CCL3: variants seen among roughly 807,000 people sequenced by gnomAD.
CCL3 encodes the protein C-C motif chemokine ligand 3, also known as C-C motif chemokine 3.
CCL3 carries 6 observed loss-of-function variants against 8.1 expected under a neutral mutation model. The observed-to-expected ratio is 0.74, with a 90% confidence interval of 0.41 to 1.46. The LOEUF is 1.46. Among genes scored for constraint, CCL3 ranks in the 40% most tolerant of loss-of-function variants. The probability of loss-of-function intolerance (pLI) is 0.02; values close to 1 mark genes in which losing one functional copy is unlikely to be tolerated. For synonymous variants in CCL3, 45 were observed against 45.1 expected (o/e 1.00, Z 0.01); for missense variants, 109 against 117.7 (o/e 0.93, Z 0.34).
Position 36,088,403 on chromosome 17 carries a change from G to T in CCL3, c.*269C>A. On this transcript the variant is annotated 3_prime_UTR_variant, in exon 3 of 3. Coordinates refer to ENST00000613922, the MANE Select transcript of CCL3 (RefSeq NM_002983.3). ...GACAGCCACTCGGTTGTCACCAGACGCGGTGTGAGGGAAGGGGGAGGGGAC... is the reference window on the plus strand; with the variant it reads ...GACAGCCACTCGGTTGTCACCAGACTCGGTGTGAGGGAAGGGGGAGGGGAC... The T allele has an allele frequency of 2.1e-6, 1 of 486,538 alleles. No individual in the cohort carries two copies. The highest frequency in any genetic ancestry group is 3.5e-5 in the Admixed American group (1 of 28,752). The allele number at this position is 486,538 out of a possible 1,614,324, so 30.1% of individuals were successfully genotyped here. A position where few individuals can be genotyped will look rare whatever the true frequency, so the allele number is the denominator to read the frequency against.
At position 36,088,691 on chromosome 17, in the gene CCL3, T is replaced by A. The variant is rs1220855677; in HGVS notation, c.260A>T (p.Asp87Val). Residue 87 changes from aspartate (D) to valine (V), a missense_variant, in exon 3 of 3, where the codon GAC becomes GTC. Asp to Val is a radical substitution (Grantham distance 152). Transcript: ENST00000613922. ...SEEWVQKYVS[D>V]LELSA ...GACCCCTCAGGCACTCAGCTCCAGG[T>A]CGCTGACATATTTCTGGACCCACTC... 2.5e-6 allele frequency: 4 copies of A among 1,613,428 alleles called. No individual in the cohort carries two copies. The Admixed American group carries it at 6.7e-5, about 27-fold the overall frequency.
chr17:36,088,457 A>T lies in CCL3; in HGVS notation c.*215T>A. ...GGAACTCTCAGAGCAAACAATCACA[A>T]ACACACTGTGAAATCGAAAATAAAT... On this transcript the variant is annotated 3_prime_UTR_variant, in exon 3 of 3. Transcript: ENST00000613922. 1.7e-6 allele frequency: 1 copy of T among 590,864 alleles called. No individual in the cohort carries two copies. The highest frequency in any genetic ancestry group is 2.2e-5 in the South Asian group (1 of 44,850). The allele number at this position is 590,864 out of a possible 1,614,324, so 36.6% of individuals were successfully genotyped here.
Position 36,088,720 on chromosome 17 carries a change from A to G in CCL3, c.231T>C (p.Ser77=). The G allele has an allele frequency of 1.2e-6, 2 of 1,613,786 alleles. No homozygotes were observed. The highest frequency in any genetic ancestry group is 1.7e-6 in the Non-Finnish European group (2 of 1,179,846). ...TGACATATTTCTGGACCCACTCCTC[A>G]CTGGGGTCAGCACAGACCTGCCGGC... ...KRSRQVCADP[S]EEWVQKYVSD... is the part of the protein sequence containing the mutation. The change falls in exon 3 of 3, where the codon AGT becomes AGC. Residue 77 remains serine, a synonymous_variant. Coordinates refer to ENST00000613922, the MANE Select transcript of CCL3 (RefSeq NM_002983.3).
chr17:36,088,440 C>G lies in CCL3; in HGVS notation c.*232G>C, dbSNP rs977354565. On this transcript the variant is annotated 3_prime_UTR_variant, in exon 3 of 3. Transcript: ENST00000613922. Reference sequence around the variant, plus strand: ...AAGGGGGAGGGGACAGGGGAACTCTCAGAGCAAACAATCACAAACACACTG... The same window carrying G: ...AAGGGGGAGGGGACAGGGGAACTCTGAGAGCAAACAATCACAAACACACTG... 27 of 555,628 alleles carry G rather than the reference C, an allele frequency of 4.9e-5. No individual in the cohort carries two copies. Among genetic ancestry groups the G allele is most frequent in the Non-Finnish European group, 9.6e-6 (3 of 311,138 alleles). 34.4% of individuals were successfully genotyped at this position (555,628 alleles called of 1,614,324 possible).
In CCL3 at chr17:36,090,067, G is replaced by A; in HGVS notation, c.-9C>T. ...GCAGTGGAGACCTGCATGATTCTGAGCAGGTGACGGAATGTGGGCTCGAGT... is the reference window on the plus strand; with the variant it reads ...GCAGTGGAGACCTGCATGATTCTGAACAGGTGACGGAATGTGGGCTCGAGT... On this transcript the variant is annotated 5_prime_UTR_variant, in exon 1 of 3. Transcript: ENST00000613922. 1 of 1,612,858 alleles carries A rather than the reference G, an allele frequency of 6.2e-7. No homozygotes were observed. Among genetic ancestry groups the A allele is most frequent in the Admixed American group, 1.7e-5 (1 of 60,014 alleles).
intron 1 of CCL3, chr17:36,089,673 A>T (rs2067025698): frequency 1.5e-6 from 1 of 662,514 alleles, no homozygotes; most frequent in South Asian, 1.5e-5. Context: ...GAGAGTGAAC[A>T]ACATACCCCA....
At position 36,090,117 on chromosome 17, in the gene CCL3, AC is replaced by A. The variant is rs1555651868; in HGVS notation, c.-60del. On this transcript the variant is annotated 5_prime_UTR_variant, in exon 1 of 3. Coordinates refer to ENST00000613922, the MANE Select transcript of CCL3 (RefSeq NM_002983.3). ...TGTCAGCAGAGCCAAGAAAGGACTG[AC>A]CACTGTCTGCTGCCCGTGTCCTTCT... is the stretch of plus-strand genomic sequence containing the variant. The A allele has an allele frequency of 6.7e-7, 1 of 1,497,234 alleles. No individual in the cohort carries two copies. Among genetic ancestry groups the A allele is most frequent in the Non-Finnish European group, 9.2e-7 (1 of 1,083,596 alleles). The allele number at this position is 1,497,234 out of a possible 1,614,324, so 92.7% of individuals were successfully genotyped here. A position where few individuals can be genotyped will look rare whatever the true frequency, so the allele number is the denominator to read the frequency against.
At chr17:36,089,595 G>A in intron 1 of CCL3, 1 of 607,264 alleles carries the variant, frequency 1.6e-6, no homozygotes, top group South Asian at 1.9e-5. Flanking sequence ...CCCAACCCAA[G>A]AGAAGCCTTG....
At position 36,089,899 on chromosome 17, in the gene CCL3, T is replaced by C. The variant is rs2067029249; in HGVS notation, c.73+87A>G. On this transcript the variant is annotated intron_variant, in intron 1 of 2. Coordinates refer to ENST00000613922, the MANE Select transcript of CCL3 (RefSeq NM_002983.3). ...GCCCTTTAAGAAGTTCTCTTTTCTC[T>C]TGGGGGCTTTTAGGCCACAAGAAAA... The C allele has an allele frequency of 3.9e-6, 5 of 1,278,312 alleles. No individual in the cohort carries two copies. The South Asian group carries it at 6.2e-5, about 16-fold the overall frequency. The allele number at this position is 1,278,312 out of a possible 1,614,324, so 79.2% of individuals were successfully genotyped here.
Position 36,088,654 on chromosome 17 carries a change from T to G in CCL3, c.*18A>C, listed in dbSNP as rs2067008827. 6.2e-7 allele frequency: 1 copy of G among 1,612,690 alleles called. No homozygotes were observed. The highest frequency in any genetic ancestry group is 8.5e-7 in the Non-Finnish European group (1 of 1,179,820). The stretch of plus-strand genomic sequence containing the variant: ...CTGGGCCCACCGAGGTCGCTGGGCC[T>G]CGAAGCTTCTGGACCCCTCAGGCAC... On this transcript the variant is annotated 3_prime_UTR_variant, in exon 3 of 3. Transcript: ENST00000613922.
At chr17:36,089,906 C>A in intron 1 of CCL3, 80 bp downstream of exon 1, 1 of 1,354,688 alleles carries the variant, frequency 7.4e-7, no homozygotes, top group Non-Finnish European at 1.1e-6. Flanking sequence ...CTCTTGGGGG[C>A]TTTTAGGCCA....
At chr17:36,089,596 A>G in intron 1 of CCL3, 2 of 607,536 alleles carry the variant, frequency 3.3e-6, no homozygotes, top group Non-Finnish European at 2.9e-6. Context: ...CCAACCCAAG[A>G]GAAGCCTTGG....
At chr17:36,089,324 C>T (rs367618652) in intron 1 of CCL3, 27 bp from the exon 2 acceptor site, 240 of 1,613,966 alleles carry the variant, frequency 1.5e-4, no homozygotes, top group South Asian at 8.0e-4. Context: ...AGAATGAGCC[C>T]GAGTCACAGC....
At position 36,089,599 on chromosome 17, in the gene CCL3, AGCCTTG is replaced by A. The variant is rs1158426451; in HGVS notation, c.74-308_74-303del. 3 of 606,790 alleles carry A rather than the reference AGCCTTG, an allele frequency of 4.9e-6. No homozygotes were observed. The East Asian group carries it at 8.8e-5, about 18-fold the overall frequency. 37.6% of individuals were successfully genotyped at this position (606,790 alleles called of 1,614,324 possible). ...AGAAGTCATACCCCAACCCAAGAGA[AGCCTTG>A]GACATCTCTCATAAGACATCCAAGG... On this transcript the variant is annotated intron_variant, in intron 1 of 2. Transcript: ENST00000613922.
At position 36,090,000 on chromosome 17, in the gene CCL3, T is replaced by G; in HGVS notation, c.59A>C (p.Gln20Pro). The change falls in exon 1 of 3, where the codon CAG (glutamine) becomes CCG (proline). Residue 20 changes from glutamine (Q) to proline (P), a missense_variant. Transcript: ENST00000613922. ...CTCAGACTCACGTGATGCAGAGAAC[T>G]GGTTGCAGAGAGCCATGGTGCAGAG... ...VLLCTMALCN[Q>P]FSASLAADTP... The G allele has an allele frequency of 6.2e-7, 1 of 1,613,864 alleles. No individual in the cohort carries two copies. Among genetic ancestry groups the G allele is most frequent in the South Asian group, 1.1e-5 (1 of 91,066 alleles).
chr17:36,089,724 G>A (rs537727447), intron 1 of CCL3: 5 of 693,530 alleles, frequency 7.2e-6, no homozygotes, highest in Non-Finnish European at 1.1e-5. Context: ...CTTGCTAACT[G>A]ATTCGTTTCG....
chr17:36,089,201 C>G lies in CCL3; in HGVS notation c.170G>C (p.Cys57Ser), dbSNP rs142857740. The G allele has an allele frequency of 9.9e-6, 16 of 1,613,994 alleles. No individual in the cohort carries two copies. Among genetic ancestry groups the G allele is most frequent in the Non-Finnish European group, 1.4e-5 (16 of 1,179,880 alleles). ...CACTTACATGACACCGGGCTTGGAG[C>G]ACTGGCTGCTCGTCTCAAAGTAGTC... ...IADYFETSSQCSKPGVIFLTK... is the reference protein window; with the variant it reads ...IADYFETSSQSSKPGVIFLTK... The change falls in exon 2 of 3, where the codon TGC (cysteine) becomes TCC (serine). Residue 57 changes from cysteine to serine, a missense_variant. Physicochemically the swap from Cys to Ser is moderately radical, Grantham distance 112 (BLOSUM62 -1). Transcript: ENST00000613922.
chr17:36,089,248 C>G lies in CCL3; in HGVS notation c.123G>C (p.Gln41His). Reference sequence around the variant, plus strand: ...AGTCAGCTATGAAATTCTGTGGAATCTGCCGGGAGGTGTAGCTGAAGCAGC... The same window carrying G: ...AGTCAGCTATGAAATTCTGTGGAATGTGCCGGGAGGTGTAGCTGAAGCAGC... ...TACCFSYTSRQIPQNFIADYF... is the reference protein window; with the variant it reads ...TACCFSYTSRHIPQNFIADYF... Residue 41 changes from glutamine to histidine, a missense_variant, in exon 2 of 3, where the codon CAG becomes CAC. Gln to His is a conservative substitution (Grantham distance 24). Coordinates refer to ENST00000613922, the MANE Select transcript of CCL3 (RefSeq NM_002983.3). 6.2e-7 allele frequency: 1 copy of G among 1,614,056 alleles called. No homozygotes were observed. Among genetic ancestry groups the G allele is most frequent in the Non-Finnish European group, 8.5e-7 (1 of 1,179,956 alleles).
At chr17:36,089,650 C>G (rs2067025403) in intron 1 of CCL3, 1 of 649,784 alleles carries the variant, frequency 1.5e-6, no homozygotes, top group East Asian at 3.1e-5. Flanking sequence ...CCTGGGAGAC[C>G]TAGAGTGAGC....
Sources: gnomAD v4.1 joint callset for allele counts on GRCh38, gnomAD v4.1.1 for gene constraint, MANE v1.5 for transcripts, NCBI Gene and HGNC (gene_info 2026-07-23, HGNC 2026-07-21) for gene names.